Variants in ABCA12 observed in about 807,000 individuals in gnomAD.
ABCA12 encodes the protein ATP binding cassette subfamily A member 12, also known as glucosylceramide transporter ABCA12.
ABCA12 carries 156 observed loss-of-function variants against 293.5 expected under a neutral mutation model. That is an observed-to-expected ratio of 0.53 (90% confidence interval 0.47 to 0.61). The LOEUF is 0.61. Ranked by LOEUF, ABCA12 falls within the 20% of genes least tolerant of loss-of-function variation. The pLI, the probability that ABCA12 is intolerant of heterozygous loss-of-function variation, is 0.00. For synonymous variants in ABCA12, 1,063 were observed against 1,108.0 expected (o/e 0.96, Z 0.81); for missense variants, 2,797 against 3,090.2 (o/e 0.91, Z 2.25).
chr2:215,124,699 T>C (rs1479508121), intron 1 of ABCA12, among the ~76,000 whole-genome samples: 1 of 152,206 alleles, frequency 6.6e-6, no homozygotes, highest in Non-Finnish European at 1.5e-5. Context: ...AGATTCTGGA[T>C]ATTAGTACTT....
chr2:215,106,785 A>G (rs368057878), intron 2 of ABCA12, among the ~76,000 whole-genome samples: 1 of 149,844 alleles, frequency 6.7e-6, no homozygotes, highest in Non-Finnish European at 1.5e-5. Flanking sequence ...AAAATGTTGG[A>G]CGTTCTTGCA....
Position 214,979,060 on chromosome 2 carries a change from A to G in ABCA12, c.4741-20T>C. 6.3e-7 allele frequency: 1 copy of G among 1,598,714 alleles called. No homozygotes were observed. Among genetic ancestry groups the G allele is most frequent in the Non-Finnish European group, 8.6e-7 (1 of 1,165,940 alleles). On this transcript the variant is annotated intron_variant, in intron 31 of 52. Transcript: ENST00000272895. ...TGGACTCTAAGAGAGAAAAGTAGGA[A>G]TTAAAACACTCTCCTCTCTTTACAC... is the stretch of plus-strand genomic sequence containing the variant.
chr2:215,044,943 G>C (rs1209723917), intron 7 of ABCA12, among the ~76,000 whole-genome samples: 1 of 152,100 alleles, frequency 6.6e-6, no homozygotes, highest in Non-Finnish European at 1.5e-5. Context: ...AAGAGAGGCA[G>C]CCTGGGTTCT....
chr2:215,117,622 A>G (rs1016315983), intron 1 of ABCA12, among the ~76,000 whole-genome samples: 1 of 152,196 alleles, frequency 6.6e-6, no homozygotes, highest in Non-Finnish European at 1.5e-5. Flanking sequence ...CTACTTTATT[A>G]CGTTGTCAGA....
chr2:215,051,357 A>T (rs1022799561), intron 5 of ABCA12, among the ~76,000 whole-genome samples: 6 of 152,092 alleles, frequency 3.9e-5, no homozygotes, highest in Admixed American at 3.9e-4. Flanking sequence ...TTTGGCCAGC[A>T]TGGGCAGAGT....
chr2:214,948,096 C>T (rs756917879), intron 47 of ABCA12: 1 of 181,920 alleles, frequency 5.5e-6, no homozygotes, highest in Non-Finnish European at 1.2e-5. Context: ...AACAACAGGT[C>T]CTCAGGATTT....
chr2:214,947,532 G>T lies in ABCA12; in HGVS notation c.7129C>A (p.Leu2377Ile). ...CTGTCCTTGAAGGGCATCAGGTGAA[G>T]TCTCCTAAGGAGTTTATGAACAGTC... Reference protein sequence around the residue: ...KETVHKLLRRLHLMPFKDRAT... With the variant: ...KETVHKLLRRIHLMPFKDRAT... Residue 2377 changes from leucine to isoleucine, a missense_variant, in exon 48 of 53, where the codon CTT (leucine) becomes ATT (isoleucine). Coordinates refer to ENST00000272895, the MANE Select transcript of ABCA12 (RefSeq NM_173076.3). 1 of 1,613,848 alleles carries T rather than the reference G, an allele frequency of 6.2e-7. No homozygotes were observed. Among genetic ancestry groups the T allele is most frequent in the Non-Finnish European group, 8.5e-7 (1 of 1,179,874 alleles).
At chr2:215,040,472 C>T (rs1701076079) in intron 7 of ABCA12, among the ~76,000 whole-genome samples, 1 of 152,020 alleles carries the variant, frequency 6.6e-6, no homozygotes, top group South Asian at 2.1e-4. Flanking sequence ...AAAGTATTGG[C>T]AAAGATATGA....
rs148434996 is a variant in ABCA12, at chr2:214,945,020, C to T, written c.7324G>A (p.Val2442Ile). The T allele has an allele frequency of 5.0e-5, 81 of 1,613,434 alleles. No individual in the cohort carries two copies. The highest frequency in any genetic ancestry group is 3.9e-4 in the African/African-American group (29 of 74,858). Residue 2442 changes from valine to isoleucine, a missense_variant, in exon 49 of 53, where the codon GTC (valine) becomes ATC (isoleucine). Coordinates refer to ENST00000272895, the MANE Select transcript of ABCA12 (RefSeq NM_173076.3). ...ISEEVQNKCS[V>I]ILTSHSMEEC... ...GTTTACCTGTGAGATGTGAGGATGACGGAACATTTGTTCTGTACTTCTTCT... is the reference window on the plus strand; with the variant it reads ...GTTTACCTGTGAGATGTGAGGATGATGGAACATTTGTTCTGTACTTCTTCT...
At chr2:215,133,180 T>TTTTTTTTTTTTG (rs1703100499) in intron 1 of ABCA12, among the ~76,000 whole-genome samples, 1 of 109,584 alleles carries the variant, frequency 9.1e-6, no homozygotes, top group Non-Finnish European at 1.8e-5. Flanking sequence ...TTTTTTTTTT[T>TTTTTTTTTTTTG]TTTTTTTTTA....
chr2:215,064,169 G>A lies in ABCA12; in HGVS notation c.214C>T (p.Gln72Ter). ...GAGTCTGTGTCACAGAGTAGGGTCT[G>A]CAGGAATGGAAAGAATCCAGTACTA... Reference protein sequence around the residue: ...LPSTGFFPFLQTLLCDTDSKC... With the variant: ...LPSTGFFPFL The change falls in exon 3 of 53, where the codon CAG (glutamine) becomes TAG (stop). Residue 72 changes from glutamine to a stop codon, truncating the protein, a stop_gained. Coordinates refer to ENST00000272895, the MANE Select transcript of ABCA12 (RefSeq NM_173076.3). LOFTEE classifies it high-confidence loss of function. 6.2e-7 allele frequency: 1 copy of A among 1,612,832 alleles called. No individual in the cohort carries two copies. Among genetic ancestry groups the A allele is most frequent in the Non-Finnish European group, 8.5e-7 (1 of 1,179,220 alleles).
intron 23 of ABCA12, among the ~76,000 whole-genome samples, chr2:214,995,512 G>A (rs563549982): frequency 5.9e-5 from 9 of 152,196 alleles, no homozygotes; most frequent in African/African-American, 2.2e-4. Context: ...AAATACTTCC[G>A]TTCTACTGCC....
chr2:214,963,420 TA>T (rs1346956053), intron 39 of ABCA12: 2 of 151,592 alleles, frequency 1.3e-5, no homozygotes, highest in Non-Finnish European at 2.9e-5. Flanking sequence ...GAGGCAGTAA[TA>T]AAAAACTTAC....
chr2:215,098,813 G>C (rs1702295847), intron 2 of ABCA12, among the ~76,000 whole-genome samples: 1 of 152,226 alleles, frequency 6.6e-6, no homozygotes, highest in Admixed American at 6.5e-5. Context: ...AACAGTAATA[G>C]CTCAAAAACA....
Position 215,015,583 on chromosome 2 carries a change from G to C in ABCA12, c.1863C>G (p.Phe621Leu), listed in dbSNP as rs1700475737. ...ATCTCTCTGAAAGAGACAGGTTGCA[G>C]AATTCTTTCATTGCATCTTCTAGTT... Reference protein sequence around the residue: ...TPKLEDAMKEFCNLSLSERSR... With the variant: ...TPKLEDAMKELCNLSLSERSR... The change falls in exon 15 of 53, where the codon TTC (phenylalanine) becomes TTG (leucine). Residue 621 changes from phenylalanine to leucine, a missense_variant. This residue lies in a region of ABCA12 where 2,130 missense variants were observed against 2,427.0 expected (regional missense o/e 0.88). Transcript: ENST00000272895. The C allele has an allele frequency of 6.2e-7, 1 of 1,614,002 alleles. No individual in the cohort carries two copies. Among genetic ancestry groups the C allele is most frequent in the East Asian group, 2.2e-5 (1 of 44,860 alleles).
In ABCA12 at chr2:215,084,892, G is replaced by A. The variant is rs144389757; in HGVS notation, c.164-20673C>T. Among the ~76,000 whole-genome samples, 591 of 151,958 alleles carry A rather than the reference G, an allele frequency of 3.9e-3. 4 individuals carry two copies. The highest frequency in any genetic ancestry group is 0.013 in the African/African-American group (555 of 41,460). On this transcript the variant is annotated intron_variant, in intron 2 of 52. Coordinates refer to ENST00000272895, the MANE Select transcript of ABCA12 (RefSeq NM_173076.3). Reference sequence around the variant, plus strand: ...GCAGGTCACTTGAGGTCAGGAGTTCGAGACCAGCCTGGCCAACATGGTGAA... The same window carrying A: ...GCAGGTCACTTGAGGTCAGGAGTTCAAGACCAGCCTGGCCAACATGGTGAA...
intron 13 of ABCA12, 137 bp from the exon 14 acceptor site, chr2:215,018,269 A>G: frequency 9.9e-7 from 1 of 1,008,258 alleles, no homozygotes. Flanking sequence ...AGTTTTGGCA[A>G]ACGTTGCATA....
At chr2:215,122,821 C>A (rs970182030) in intron 1 of ABCA12, among the ~76,000 whole-genome samples, 1 of 152,122 alleles carries the variant, frequency 6.6e-6, no homozygotes. Flanking sequence ...TTTGGGGGTA[C>A]ATGTGCTTGT....
intron 50 of ABCA12, among the ~76,000 whole-genome samples, chr2:214,938,353 C>T (rs909372433): frequency 1.1e-4 from 17 of 152,114 alleles, no homozygotes; most frequent in Non-Finnish European, 1.6e-4. Flanking sequence ...TTTTCTTTAT[C>T]TAGTCTGTCA....
Sources: allele counts gnomAD v4.1 joint callset (sites outside exome capture counted in the v4.1 genomes callset), GRCh38; gene constraint gnomAD v4.1.1; regional missense constraint gnomAD v4.1.1; transcripts MANE v1.5; gene names NCBI Gene and HGNC (gene_info 2026-07-23, HGNC 2026-07-21).